The following NCBP2L variants were observed in gnomAD, a reference collection of about 807,000 sequenced individuals.
NCBP2L encodes nuclear cap binding protein subunit 2 like.
For missense variants in NCBP2L, 95 were observed against 53.1 expected (o/e 1.79, Z -2.45); for synonymous variants, 39 against 19.2 (o/e 2.04, Z -2.70).
intron 1 of NCBP2L, among the ~76,000 whole-genome samples, chrX:107,778,928 T>C (rs1930228807): frequency 9.1e-6 from 1 of 110,359 alleles, no homozygotes. Context: ...GGAGGCCTGG[T>C]GTGTGTAGGG....
rs1416159080 is a variant in NCBP2L at position 107,782,369 on chromosome X, A to G, written c.-73+4511A>G. Among the ~76,000 whole-genome samples the G allele has an allele frequency of 9.9e-4, 36 of 36,477 alleles. 1 individual carries two copies. Among genetic ancestry groups the G allele is most frequent in the Admixed American group, 1.8e-3 (4 of 2,187 alleles). 31.7% of individuals were successfully genotyped at this position (36,477 alleles called of 115,157 possible). A position where few individuals can be genotyped will look rare whatever the true frequency, so the allele number is the denominator to read the frequency against. ...TATATATAAATATATATATATATAA[A>G]TATATATATATATATACCCACACAT... On this transcript the variant is annotated intron_variant, in intron 1 of 1. Transcript: ENST00000509000.
chrX:107,781,692 C>CTCTCTCTCTATATATATATATA (rs1395038482), intron 1 of NCBP2L, among the ~76,000 whole-genome samples: 17 of 66,909 alleles, frequency 2.5e-4, no homozygotes, highest in South Asian at 6.7e-4. Context: ...CTCTCTCTCT[C>CTCTCTCTCTATATATATATATA]TATATATATA....
chrX:107,782,240 TATATATATAA>T (rs1569457254), intron 1 of NCBP2L, among the ~76,000 whole-genome samples: 375 of 8,808 alleles, frequency 0.043, 90 homozygotes, highest in African/African-American at 0.16. Flanking sequence ...TATATAAATA[TATATATATAA>T]ATATATATAT....
intron 1 of NCBP2L, among the ~76,000 whole-genome samples, chrX:107,782,206 T>TAA (rs1225531572): frequency 4.9e-5 from 1 of 20,579 alleles, no homozygotes; most frequent in African/African-American, 2.1e-4. Flanking sequence ...AATATATATA[T>TAA]ATAAATATAT....
intron 1 of NCBP2L, among the ~76,000 whole-genome samples, chrX:107,789,490 GAC>G (rs1930425439): frequency 9.0e-6 from 1 of 111,297 alleles, no homozygotes; most frequent in Admixed American, 9.6e-5. Context: ...CTAAAGTGTA[GAC>G]ACTCTCCATT....
chrX:107,783,371 T>A (rs757744036), intron 1 of NCBP2L, among the ~76,000 whole-genome samples: 34 of 90,394 alleles, frequency 3.8e-4, no homozygotes, highest in East Asian at 1.6e-3. Flanking sequence ...TTTTTTTTTT[T>A]TTTTTTTTAT....
intron 1 of NCBP2L, among the ~76,000 whole-genome samples, chrX:107,781,798 T>TTATATATAGATATCTAGATATCTATATA (rs1569457163): frequency 5.2e-5 from 5 of 96,415 alleles, no homozygotes; most frequent in East Asian, 3.1e-4. Flanking sequence ...ATATCTATAT[T>TTATATATAGATATCTAGATATCTATATA]TATATATAGA....
At position 107,781,216 on chromosome X, in the gene NCBP2L, CTTT is replaced by C. The variant is rs752190503; in HGVS notation, c.-73+3374_-73+3376del. On this transcript the variant is annotated intron_variant, in intron 1 of 1. Transcript: ENST00000509000. ...TACAGGCATGAGCCATGAAGGCCGG[CTTT>C]TTTTTTTTTTTTTTTGGACAGTATT... Among the ~76,000 whole-genome samples the C allele has an allele frequency of 2.1e-4, 19 of 89,831 alleles. No homozygotes were observed. In the East Asian group the frequency reaches 5.8e-3, roughly 27 times the overall value. The allele number at this position is 89,831 out of a possible 115,157, so 78.0% of individuals were successfully genotyped here.
chrX:107,795,511 C>G lies in NCBP2L; in HGVS notation c.*829C>G, dbSNP rs1930509015. The G allele has an allele frequency of 8.9e-6, 1 of 112,079 alleles. No homozygotes were observed. The highest frequency in any genetic ancestry group is 1.9e-5 in the Non-Finnish European group (1 of 53,236). The allele number at this position is 112,079 out of a possible 1,213,427, so 9.2% of individuals were successfully genotyped here. A position where few individuals can be genotyped will look rare whatever the true frequency, so the allele number is the denominator to read the frequency against. ...AACCATGCTTCAGGTACCCATACAA[C>G]TATTTCGTTTTTGACTTTCAGTATA... On this transcript the variant is annotated 3_prime_UTR_variant, in exon 2 of 2. Coordinates refer to ENST00000509000, the MANE Select transcript of NCBP2L (RefSeq NM_001348372.2).
At chrX:107,790,570 T>C (rs767236478) in intron 1 of NCBP2L, among the ~76,000 whole-genome samples, 1 of 111,299 alleles carries the variant, frequency 9.0e-6, no homozygotes, top group South Asian at 3.8e-4. Flanking sequence ...AACGTCAGAC[T>C]GAACACCCCC....
At chrX:107,785,012 A>AGAAG (rs376629064) in intron 1 of NCBP2L, among the ~76,000 whole-genome samples, 3,018 of 101,772 alleles carry the variant, frequency 0.03, 127 homozygotes, top group African/African-American at 0.089. Context: ...AAGGAAAGAA[A>AGAAG]GAAGGAAGGA....
chrX:107,782,947 A>ATG (rs1015992263), intron 1 of NCBP2L, among the ~76,000 whole-genome samples: 1 of 109,018 alleles, frequency 9.2e-6, no homozygotes, highest in African/African-American at 3.3e-5. Flanking sequence ...ATGTGTGTAT[A>ATG]TATATATATA....
chrX:107,792,571 C>G (rs769815399), intron 1 of NCBP2L, among the ~76,000 whole-genome samples: 3 of 111,847 alleles, frequency 2.7e-5, no homozygotes, highest in Non-Finnish European at 5.6e-5. Flanking sequence ...TTGTTTACAT[C>G]TGGTTTTATT....
intron 1 of NCBP2L, among the ~76,000 whole-genome samples, chrX:107,789,196 T>G (rs1216797357): frequency 5.8e-5 from 6 of 103,417 alleles, no homozygotes; most frequent in African/African-American, 2.2e-4. Flanking sequence ...TTTTTTTTTT[T>G]TGGGCTTGCA....
intron 1 of NCBP2L, among the ~76,000 whole-genome samples, chrX:107,780,177 C>G (rs1250652268): frequency 9.0e-6 from 1 of 110,891 alleles, no homozygotes. Context: ...GGCCACACGG[C>G]AAAACACTAT....
intron 1 of NCBP2L, among the ~76,000 whole-genome samples, chrX:107,781,692 C>CTCTCTCTCTCTCTCTATATATATA (rs1395038482): frequency 2.1e-4 from 14 of 66,909 alleles, no homozygotes; most frequent in African/African-American, 2.6e-4. Flanking sequence ...CTCTCTCTCT[C>CTCTCTCTCTCTCTCTATATATATA]TATATATATA....
chrX:107,792,293 A>G (rs1056021065), intron 1 of NCBP2L, among the ~76,000 whole-genome samples: 2 of 109,065 alleles, frequency 1.8e-5, no homozygotes, highest in African/African-American at 6.7e-5. Flanking sequence ...ATGAAATGAA[A>G]TCCACTATAG....
chrX:107,794,177 A>C lies in NCBP2L; in HGVS notation c.-44A>C. ...TTCAGTGGTGGTGTCACTGCTGCCA[A>C]GCTGGACCGAAAACGGCCATCGGCA... On this transcript the variant is annotated 5_prime_UTR_variant, in exon 2 of 2. Transcript: ENST00000509000. 2.0e-6 allele frequency: 1 copy of C among 497,010 alleles called. No homozygotes were observed. Among genetic ancestry groups the C allele is most frequent in the East Asian group, 3.3e-5 (1 of 30,130 alleles). The allele number at this position is 497,010 out of a possible 1,213,427, so 41.0% of individuals were successfully genotyped here. A position where few individuals can be genotyped will look rare whatever the true frequency, so the allele number is the denominator to read the frequency against.
At chrX:107,782,945 A>G (rs757888039) in intron 1 of NCBP2L, among the ~76,000 whole-genome samples, 71 of 107,823 alleles carry the variant, frequency 6.6e-4, no homozygotes, top group Non-Finnish European at 7.1e-4. Flanking sequence ...ACATGTGTGT[A>G]TATATATATA....
Sources: gnomAD v4.1 joint callset for allele counts (sites outside exome capture counted in the v4.1 genomes callset) on GRCh38, gnomAD v4.1.1 for gene constraint, MANE v1.5 for transcripts, NCBI Gene and HGNC (gene_info 2026-07-23, HGNC 2026-07-21) for gene names.